The following HARBI1 variants were observed in gnomAD, a reference collection of about 807,000 sequenced individuals.
The protein encoded by HARBI1 is harbinger transposase derived 1, also known as putative nuclease HARBI1.
Under a neutral mutation model 25.3 loss-of-function variants are expected in HARBI1, and 15 were observed. The ratio of observed to expected loss-of-function variants is 0.59; its 90% CI spans 0.40 to 0.91. HARBI1 has a LOEUF of 0.91. HARBI1 is among the 40% of genes least tolerant of loss of function. The pLI is 0.00. For synonymous variants in HARBI1, 168 were observed against 160.5 expected, an observed-to-expected ratio of 1.05 and a Z score of -0.35; for missense variants, 396 against 445.8, an observed-to-expected ratio of 0.89 and a Z score of 1.01.
intron 2 of HARBI1, among the ~76,000 whole-genome samples, chr11:46,607,259 CAAA>C (rs149824275): frequency 7.0e-5 from 5 of 71,686 alleles, no homozygotes; most frequent in Non-Finnish European, 2.9e-5. Flanking sequence ...GAGACTGTCT[CAAA>C]AAAAAAAAAA....
intron 1 of HARBI1, chr11:46,616,585 G>A (rs993720726): frequency 9.6e-7 from 1 of 1,043,374 alleles, no homozygotes; most frequent in Non-Finnish European, 1.2e-6. Context: ...AATCTTTGTG[G>A]CTCATTTAAT....
In HARBI1 at chr11:46,616,347, A is replaced by C. The variant is rs2045462553; in HGVS notation, c.-110T>G. The C allele has an allele frequency of 2.0e-6, 3 of 1,488,806 alleles. No homozygotes were observed. The South Asian group carries it at 4.2e-5, about 21-fold the overall frequency. 92.2% of individuals were successfully genotyped at this position (1,488,806 alleles called of 1,614,324 possible). A position where few individuals can be genotyped will look rare whatever the true frequency, so the allele number is the denominator to read the frequency against. ...AAGTATCAGAATCCAACAGCTAACC[A>C]CAGTTAAATGGCTCTGCCATTTATA... On this transcript the variant is annotated 5_prime_UTR_variant, in exon 2 of 3. Transcript: ENST00000326737.
At chr11:46,609,618 G>A (rs2045095563) in intron 2 of HARBI1, among the ~76,000 whole-genome samples, 1 of 73,620 alleles carries the variant, frequency 1.4e-5, no homozygotes, top group South Asian at 4.5e-4. Flanking sequence ...CCCGGCCTGA[G>A]GAAATCAGTT....
At chr11:46,607,193 T>C (rs2044988434) in intron 2 of HARBI1, among the ~76,000 whole-genome samples, 1 of 138,380 alleles carries the variant, frequency 7.2e-6, no homozygotes, top group African/African-American at 2.8e-5. Context: ...ACCTGGGAGG[T>C]AGAGGATGCA....
intron 2 of HARBI1, among the ~76,000 whole-genome samples, chr11:46,614,476 C>G (rs895455519): frequency 1.3e-5 from 2 of 151,952 alleles, no homozygotes; most frequent in Non-Finnish European, 2.9e-5. Flanking sequence ...TGGCTTACAG[C>G]CATATTCCCA....
chr11:46,615,573 A>C lies in HARBI1; in HGVS notation c.665T>G (p.Leu222Arg). ...FEAGMHKDSW[L>R]LGDSSFFLRT... is the part of the protein sequence containing the mutation. ...ATTCACACTTGCAAACTTACCCAGA[A>C]GCCAGCTATCTTTGTGCATACCCGC... The change falls in exon 2 of 3, where the codon CTT (leucine) becomes CGT (arginine). Residue 222 changes from leucine (L) to arginine (R), a missense_variant. Physicochemically the swap from Leu to Arg is moderately radical, Grantham distance 102. Coordinates refer to ENST00000326737, the MANE Select transcript of HARBI1 (RefSeq NM_173811.4). 1 of 1,611,280 alleles carries C rather than the reference A, an allele frequency of 6.2e-7. No individual in the cohort carries two copies. The highest frequency in any genetic ancestry group is 8.5e-7 in the Non-Finnish European group (1 of 1,177,916).
intron 2 of HARBI1, among the ~76,000 whole-genome samples, chr11:46,610,345 T>C (rs959996876): frequency 2.8e-5 from 4 of 142,268 alleles, no homozygotes; most frequent in African/African-American, 1.1e-4. Flanking sequence ...TGTATGTATA[T>C]AATATATATA....
At chr11:46,605,887 TTTTG>T (rs959408705) in intron 2 of HARBI1, among the ~76,000 whole-genome samples, 63 of 148,852 alleles carry the variant, frequency 4.2e-4, no homozygotes, top group African/African-American at 9.2e-4. Flanking sequence ...GCACCCAGTT[TTTTG>T]TTTGTTTGTT....
intron 2 of HARBI1, among the ~76,000 whole-genome samples, chr11:46,611,230 A>G (rs540349200): frequency 6.6e-6 from 1 of 152,110 alleles, no homozygotes; most frequent in East Asian, 1.9e-4. Context: ...GATGGTCTGG[A>G]TCTCCTGACC....
rs2044827993 is a variant in HARBI1 at position 46,603,433 on chromosome 11, T to C, written c.*97A>G. 29 of 1,064,528 alleles carry C rather than the reference T, an allele frequency of 2.7e-5. 1 individual carries two copies. In the South Asian group the frequency reaches 4.2e-4, roughly 15 times the overall value. The allele number at this position is 1,064,528 out of a possible 1,614,324, so 65.9% of individuals were successfully genotyped here. A position where few individuals can be genotyped will look rare whatever the true frequency, so the allele number is the denominator to read the frequency against. On this transcript the variant is annotated 3_prime_UTR_variant, in exon 3 of 3. Transcript: ENST00000326737. Reference sequence around the variant, plus strand: ...TGTCAGTTTATGACAAGTATCTGTATACTCAGTCATGCTAGATGATGGAAC... The same window carrying C: ...TGTCAGTTTATGACAAGTATCTGTACACTCAGTCATGCTAGATGATGGAAC...
At chr11:46,607,108 TACAA>T (rs2044984503) in intron 2 of HARBI1, among the ~76,000 whole-genome samples, 1 of 151,892 alleles carries the variant, frequency 6.6e-6, no homozygotes, top group Non-Finnish European at 1.5e-5. Context: ...CTACTAAAAA[TACAA>T]AAATTAGCCA....
intron 2 of HARBI1, among the ~76,000 whole-genome samples, chr11:46,612,814 G>C (rs1467045936): frequency 6.6e-6 from 1 of 150,704 alleles, no homozygotes; most frequent in East Asian, 1.9e-4. Context: ...GAGATTATAG[G>C]TGCCTGCCAC....
chr11:46,613,297 C>T (rs1464948721), intron 2 of HARBI1, among the ~76,000 whole-genome samples: 1 of 151,998 alleles, frequency 6.6e-6, no homozygotes, highest in Admixed American at 6.6e-5. Flanking sequence ...ATTTGAATAT[C>T]TATACAATAC....
intron 2 of HARBI1, among the ~76,000 whole-genome samples, chr11:46,606,599 CCA>C (rs753709468): frequency 1.2e-4 from 19 of 152,150 alleles, no homozygotes; most frequent in Non-Finnish European, 2.4e-4. Context: ...CAATCGTGAG[CCA>C]CCATGCCTGG....
chr11:46,616,320 G>T lies in HARBI1; in HGVS notation c.-83C>A. The T allele has an allele frequency of 6.6e-7, 1 of 1,512,804 alleles. No homozygotes were observed. Among genetic ancestry groups the T allele is most frequent in the South Asian group, 1.3e-5 (1 of 75,602 alleles). The allele number at this position is 1,512,804 out of a possible 1,614,324, so 93.7% of individuals were successfully genotyped here. ...TGTTGGTGCAAGAACGTATTTTTAA[G>T]AAAGTATCAGAATCCAACAGCTAAC... On this transcript the variant is annotated 5_prime_UTR_variant, in exon 2 of 3. Transcript: ENST00000326737.
At chr11:46,617,544 C>CCCG (rs1555033044), upstream of HARBI1, 2 of 231,682 alleles carry the variant, frequency 8.6e-6, no homozygotes, top group African/African-American at 5.9e-5. Flanking sequence ...TCTTTCACCC[C>CCCG]CCCCCCCCGG....
chr11:46,603,210 A>G lies in HARBI1; in HGVS notation c.*320T>C. The G allele has an allele frequency of 5.5e-6, 1 of 180,500 alleles. No homozygotes were observed. Among genetic ancestry groups the G allele is most frequent in the South Asian group, 1.7e-4 (1 of 6,038 alleles). The allele number at this position is 180,500 out of a possible 1,614,324, so 11.2% of individuals were successfully genotyped here. A position where few individuals can be genotyped will look rare whatever the true frequency, so the allele number is the denominator to read the frequency against. On this transcript the variant is annotated 3_prime_UTR_variant, in exon 3 of 3. Transcript: ENST00000326737. ...GTTGGCCAGGCTGGTCTTGTCTTGA[A>G]CTCCTGACCTTTACTATGACTTTGT...
Position 46,604,302 on chromosome 11 carries a change from C to T in HARBI1, c.671-393G>A, listed in dbSNP as rs867510044. The T allele has an allele frequency of 1.2e-5, 11 of 918,248 alleles. No homozygotes were observed. In the Admixed American group the frequency reaches 1.9e-4, roughly 16 times the overall value. 56.9% of individuals were successfully genotyped at this position (918,248 alleles called of 1,614,324 possible). On this transcript the variant is annotated intron_variant, in intron 2 of 2. Transcript: ENST00000326737. Reference sequence around the variant, plus strand: ...GGCGGGTGGATCACCAACTGAGGCCCGGAGTTCAAGACCAGCCTGACCAAC... The same window carrying T: ...GGCGGGTGGATCACCAACTGAGGCCTGGAGTTCAAGACCAGCCTGACCAAC...
Position 46,611,153 on chromosome 11 carries a change from G to A in HARBI1, c.670+4415C>T, listed in dbSNP as rs1301989867. 5.3e-5 allele frequency among the ~76,000 whole-genome samples: 8 copies of A among 151,674 alleles called. No homozygotes were observed. The East Asian group carries it at 5.8e-4, about 11-fold the overall frequency. ...CTCCGGAGTAGCTGGGACTACAGGC[G>A]CCTGCCACCACGCCTGGCTTATGTT... On this transcript the variant is annotated intron_variant, in intron 2 of 2. Transcript: ENST00000326737.
Sources: allele counts gnomAD v4.1 joint callset (sites outside exome capture counted in the v4.1 genomes callset), GRCh38; gene constraint gnomAD v4.1.1; transcripts MANE v1.5; gene names NCBI Gene and HGNC (gene_info 2026-07-23, HGNC 2026-07-21).